The following LRP1B variants were observed in gnomAD, a reference collection of about 807,000 sequenced individuals.
LRP1B encodes the protein low-density lipoprotein receptor-related protein 1B.
Under a neutral mutation model 556.6 loss-of-function variants are expected in LRP1B, and 217 were observed. The ratio of observed to expected loss-of-function variants is 0.39; its 90% CI spans 0.35 to 0.44. LRP1B has a LOEUF of 0.44. LRP1B is among the 20% of genes least tolerant of loss of function. The probability of loss-of-function intolerance (pLI) is 1.00; values close to 1 mark genes in which losing one functional copy is unlikely to be tolerated. For synonymous variants in LRP1B, 2,047 were observed against 1,865.8 expected, an observed-to-expected ratio of 1.10 and a Z score of -2.50; for missense variants, 5,053 against 5,620.8, an observed-to-expected ratio of 0.90 and a Z score of 3.23.
intron 2 of LRP1B, among the ~76,000 whole-genome samples, chr2:141,743,293 T>C: frequency 6.6e-6 from 1 of 152,184 alleles, no homozygotes; most frequent in Non-Finnish European, 1.5e-5. Context: ...CACTTGGCCA[T>C]GATGAATTAT....
intron 1 of LRP1B, among the ~76,000 whole-genome samples, chr2:142,028,473 T>C (rs901098990): frequency 7.2e-5 from 11 of 152,020 alleles, no homozygotes; most frequent in Non-Finnish European, 1.0e-4. Flanking sequence ...CTTAGCTTAA[T>C]GCATTTTATA....
At chr2:140,838,270 C>T (rs17517364) in intron 31 of LRP1B, among the ~76,000 whole-genome samples, 7,561 of 152,242 alleles carry the variant, frequency 0.05, 199 homozygotes, top group Middle Eastern at 0.082. Context: ...TAAGTACCAA[C>T]TGAATTGCCT....
At chr2:142,017,979 A>G (rs1415065563) in intron 1 of LRP1B, among the ~76,000 whole-genome samples, 2 of 143,120 alleles carry the variant, frequency 1.4e-5, no homozygotes, top group South Asian at 2.2e-4. Flanking sequence ...TGGTGTTTCC[A>G]TAATAATCTC....
chr2:141,411,044 A>G (rs940750088), intron 3 of LRP1B, among the ~76,000 whole-genome samples: 2 of 152,030 alleles, frequency 1.3e-5, no homozygotes, highest in Non-Finnish European at 2.9e-5. Flanking sequence ...TGAGTTTTAC[A>G]GGTTTATAGT....
intron 3 of LRP1B, among the ~76,000 whole-genome samples, chr2:141,323,118 T>C (rs746382982): frequency 6.6e-6 from 1 of 152,106 alleles, no homozygotes; most frequent in Non-Finnish European, 1.5e-5. Context: ...ACTACTAATG[T>C]CTTCACTATT....
chr2:140,912,998 G>A (rs924088521), intron 21 of LRP1B, among the ~76,000 whole-genome samples: 1 of 151,232 alleles, frequency 6.6e-6, no homozygotes, highest in African/African-American at 2.4e-5. Context: ...TTCTGTTCTG[G>A]GATATGACTG....
intron 3 of LRP1B, among the ~76,000 whole-genome samples, chr2:141,344,424 C>T (rs1188783288): frequency 6.6e-6 from 1 of 152,032 alleles, no homozygotes; most frequent in Non-Finnish European, 1.5e-5. Flanking sequence ...GGCATGCTCT[C>T]CTCTCTTGGC....
At chr2:140,567,420 C>T (rs1285235782) in intron 43 of LRP1B, among the ~76,000 whole-genome samples, 1 of 152,174 alleles carries the variant, frequency 6.6e-6, no homozygotes, top group Non-Finnish European at 1.5e-5. Flanking sequence ...CCATACTTTG[C>T]TCCTCACGCC....
intron 2 of LRP1B, among the ~76,000 whole-genome samples, chr2:141,557,558 C>T (rs533121143): frequency 1.3e-5 from 2 of 152,030 alleles, no homozygotes; most frequent in East Asian, 3.9e-4. Flanking sequence ...CTACCACATC[C>T]GTTCCTGAAA....
intron 7 of LRP1B, among the ~76,000 whole-genome samples, chr2:141,115,951 G>C (rs1700887997): frequency 6.6e-6 from 1 of 152,134 alleles, no homozygotes; most frequent in Non-Finnish European, 1.5e-5. Context: ...TGATTAAATA[G>C]AATGTATATG....
At chr2:141,180,549 A>G (rs1048642115) in intron 7 of LRP1B, among the ~76,000 whole-genome samples, 2 of 151,938 alleles carry the variant, frequency 1.3e-5, no homozygotes, top group African/African-American at 4.8e-5. Flanking sequence ...ATGTTCATAT[A>G]GCTTCCAAAA....
intron 43 of LRP1B, among the ~76,000 whole-genome samples, chr2:140,588,566 G>A (rs575611545): frequency 1.3e-5 from 2 of 152,230 alleles, no homozygotes; most frequent in African/African-American, 4.8e-5. Context: ...TATTGACAGA[G>A]TGGCAAACTC....
In LRP1B at chr2:140,649,000, T is replaced by C. The variant is rs1214000053; in HGVS notation, c.6800-47361A>G. On this transcript the variant is annotated intron_variant, in intron 41 of 90. Transcript: ENST00000389484. Reference sequence around the variant, plus strand: ...GGGAGAGAAACAAACTAACCCAAAATATATTTTGGGGGTAGAACTGATCAG... The same window carrying C: ...GGGAGAGAAACAAACTAACCCAAAACATATTTTGGGGGTAGAACTGATCAG... Among the ~76,000 whole-genome samples, 3 of 152,000 alleles carry C rather than the reference T, an allele frequency of 2.0e-5. No individual in the cohort carries two copies. The South Asian group carries it at 6.2e-4, about 32-fold the overall frequency.
chr2:141,086,336 AAAG>A (rs758674521), intron 7 of LRP1B, among the ~76,000 whole-genome samples: 15 of 152,204 alleles, frequency 9.9e-5, no homozygotes, highest in Non-Finnish European at 1.6e-4. Context: ...ATTATTTCCT[AAAG>A]AAGAGCTTTT....
intron 11 of LRP1B, among the ~76,000 whole-genome samples, chr2:141,040,464 A>G (rs1486621526): frequency 6.6e-6 from 1 of 152,066 alleles, no homozygotes; most frequent in Non-Finnish European, 1.5e-5. Flanking sequence ...GGTGATTTAA[A>G]GGTGCAGAAA....
intron 1 of LRP1B, among the ~76,000 whole-genome samples, chr2:141,826,316 T>C (rs531659779): frequency 1.3e-4 from 19 of 151,490 alleles, no homozygotes; most frequent in Admixed American, 2.0e-4. Context: ...AATAAGGATA[T>C]GATAGACCAT....
chr2:142,086,989 C>T (rs979228486), intron 1 of LRP1B, among the ~76,000 whole-genome samples: 1 of 152,044 alleles, frequency 6.6e-6, no homozygotes, highest in African/African-American at 2.4e-5. Flanking sequence ...ATTTGTCCTT[C>T]TGTGATTTTT....
At chr2:140,431,094 G>A (rs762581919) in intron 66 of LRP1B, among the ~76,000 whole-genome samples, 21 of 152,104 alleles carry the variant, frequency 1.4e-4, no homozygotes, top group Non-Finnish European at 2.8e-4. Context: ...TATACAGTCC[G>A]ATAGCAGACC....
intron 31 of LRP1B, among the ~76,000 whole-genome samples, chr2:140,835,256 C>A (rs1478753279): frequency 6.6e-6 from 1 of 152,168 alleles, no homozygotes; most frequent in Non-Finnish European, 1.5e-5. Flanking sequence ...CTGAGGTCTT[C>A]TTATCTGCAT....
Sources: gnomAD v4.1 joint callset for allele counts (sites outside exome capture counted in the v4.1 genomes callset) on GRCh38, gnomAD v4.1.1 for gene constraint, MANE v1.5 for transcripts, NCBI Gene and HGNC (gene_info 2026-07-23, HGNC 2026-07-21) for gene names.